The following B4GALNT4 variants were observed in gnomAD, a reference collection of about 807,000 sequenced individuals.
The protein encoded by B4GALNT4 is beta-1,4-N-acetyl-galactosaminyltransferase 4.
B4GALNT4 carries 77 observed loss-of-function variants against 110.0 expected under a neutral mutation model. That is an observed-to-expected ratio of 0.70 (90% CI 0.58 to 0.85). B4GALNT4 has a LOEUF of 0.85. Ranked by LOEUF, B4GALNT4 falls within the 40% of genes least tolerant of loss-of-function variation. The probability of loss-of-function intolerance (pLI) is 0.00; values close to 1 mark genes in which losing one functional copy is unlikely to be tolerated. For synonymous variants in B4GALNT4, 785 were observed against 655.5 expected (o/e 1.20, Z -3.02); for missense variants, 1,575 against 1,506.0 (o/e 1.05, Z -0.76).
chr11:369,990 G>GGGGGGCGC, intron 1 of B4GALNT4, 36 bp downstream of exon 1: 1 of 195,602 alleles, frequency 5.1e-6, no homozygotes, highest in Admixed American at 1.1e-4. Context: ...GCGGGGGGCG[G>GGGGGGCGC]GGGCGGCGCG....
Position 380,911 on chromosome 11 carries a change from C to G in B4GALNT4, c.2956C>G (p.Arg986Gly). ...TGGAGGAATGAACACGGAGGAGTTC[C>G]GAGACCAGTGGGGGGGTGAAGACTG... ...RVGGMNTEEF[R>G]DQWGGEDWEL... The change falls in exon 19 of 20, where the codon CGA becomes GGA. Residue 986 changes from arginine (R) to glycine (G), a missense_variant. Physicochemically the swap from Arg to Gly is moderately radical, Grantham distance 125 (BLOSUM62 -2). Coordinates refer to ENST00000329962, the MANE Select transcript of B4GALNT4 (RefSeq NM_178537.5). 1 of 1,613,582 alleles carries G rather than the reference C, an allele frequency of 6.2e-7. No individual in the cohort carries two copies. The highest frequency in any genetic ancestry group is 8.5e-7 in the Non-Finnish European group (1 of 1,179,790).
At chr11:376,202 G>C in intron 12 of B4GALNT4, 28 bp downstream of exon 12, 1 of 1,592,082 alleles carries the variant, frequency 6.3e-7, no homozygotes, top group Non-Finnish European at 8.6e-7. Flanking sequence ...CTAATGCGGG[G>C]CGGGGTGGGC....
At chr11:378,975 A>C (rs1160969317) in intron 14 of B4GALNT4, among the ~76,000 whole-genome samples, 1 of 152,148 alleles carries the variant, frequency 6.6e-6, no homozygotes, top group Non-Finnish European at 1.5e-5. Context: ...CCTGAGGAGG[A>C]GTCTGCTACC....
intron 19 of B4GALNT4, 164 bp downstream of exon 19, chr11:381,115 C>T (rs1846867227): frequency 1.0e-6 from 1 of 985,134 alleles, no homozygotes; most frequent in East Asian, 1.1e-4. Context: ...CTCCTCCACC[C>T]ACATCACTTC....
chr11:375,933 G>C lies in B4GALNT4; in HGVS notation c.1072G>C (p.Ala358Pro), dbSNP rs145647906. ...PTYVVKDFPI[A>P]RYQGLQFVYL... Reference sequence around the variant, plus strand: ...CTACGTGGTCAAGGACTTCCCGATCGCCAGATACCAGGGCCTGCAATTTGT... The same window carrying C: ...CTACGTGGTCAAGGACTTCCCGATCCCCAGATACCAGGGCCTGCAATTTGT... The change falls in exon 11 of 20, where the codon GCC (alanine) becomes CCC (proline). Residue 358 changes from alanine to proline, a missense_variant. By Grantham distance (27) the Ala-to-Pro change is conservative (BLOSUM62 -1). Coordinates refer to ENST00000329962, the MANE Select transcript of B4GALNT4 (RefSeq NM_178537.5). 8 of 1,611,798 alleles carry C rather than the reference G, an allele frequency of 5.0e-6. No homozygotes were observed. In the African/African-American group the frequency reaches 1.1e-4, roughly 22 times the overall value.
At chr11:372,342 G>T in intron 2 of B4GALNT4, 130 bp downstream of exon 2, 2 of 818,156 alleles carry the variant, frequency 2.4e-6, no homozygotes, top group Non-Finnish European at 4.0e-6. Flanking sequence ...GACATGTGGG[G>T]CACGGCACAG....
At chr11:377,453 C>A in intron 14 of B4GALNT4, 126 bp downstream of exon 14, 2 of 1,074,694 alleles carry the variant, frequency 1.9e-6, no homozygotes, top group Non-Finnish European at 2.5e-6. Flanking sequence ...GGCCTGGGGG[C>A]TGAGGCACCG....
chr11:370,996 C>T (rs1846609429), intron 1 of B4GALNT4, among the ~76,000 whole-genome samples: 1 of 152,176 alleles, frequency 6.6e-6, no homozygotes, highest in Admixed American at 6.5e-5. Context: ...AGCCCCACCC[C>T]AGCTATCAGC....
chr11:379,710 G>A lies in B4GALNT4; in HGVS notation c.2488+9G>A, dbSNP rs1455797212. The A allele has an allele frequency of 1.3e-6, 2 of 1,501,218 alleles. No individual in the cohort carries two copies. Among genetic ancestry groups the A allele is most frequent in the East Asian group, 2.3e-5 (1 of 43,006 alleles). 93.0% of individuals were successfully genotyped at this position (1,501,218 alleles called of 1,614,324 possible). A position where few individuals can be genotyped will look rare whatever the true frequency, so the allele number is the denominator to read the frequency against. ...TCACTTCATCGTGCCAGGTTCGCAG[G>A]GCGGGCTCGGGGTGTCCGGGAGACC... On this transcript the variant is annotated intron_variant, in intron 15 of 19. Transcript: ENST00000329962.
Position 375,759 on chromosome 11 carries a change from A to T in B4GALNT4, c.971A>T (p.Asp324Val). The T allele has an allele frequency of 1.9e-6, 3 of 1,597,464 alleles. No homozygotes were observed. The highest frequency in any genetic ancestry group is 2.6e-6 in the Non-Finnish European group (3 of 1,175,380). Reference protein sequence around the residue: ...SADMLRPDPRDTFFLTPRMES... With the variant: ...SADMLRPDPRVTFFLTPRMES... ...GACATGCTGCGGCCAGATCCCAGGG[A>T]TACCTTTTTCCTCAGTGAGAGGGGG... The change falls in exon 10 of 20, where the codon GAT (aspartate) becomes GTT (valine). Residue 324 changes from aspartate (D) to valine (V), a missense_variant. Coordinates refer to ENST00000329962, the MANE Select transcript of B4GALNT4 (RefSeq NM_178537.5).
chr11:369,635 G>T lies in B4GALNT4; in HGVS notation c.-169G>T, dbSNP rs1263822644. On this transcript the variant is annotated 5_prime_UTR_variant, in exon 1 of 20. Coordinates refer to ENST00000329962, the MANE Select transcript of B4GALNT4 (RefSeq NM_178537.5). ...CCGGGCCCGCGGCCGAGGGCGGCCT[G>T]GGGGGGTCGCGGCCGCACCCGGTGG... Among the ~76,000 whole-genome samples the T allele has an allele frequency of 6.9e-6, 1 of 144,290 alleles. No individual in the cohort carries two copies. Among genetic ancestry groups the T allele is most frequent in the Admixed American group, 6.8e-5 (1 of 14,602 alleles). 94.7% of individuals were successfully genotyped at this position (144,290 alleles called of 152,430 possible).
At chr11:373,411 C>T (rs747791121) in intron 6 of B4GALNT4, 38 bp from the exon 7 acceptor site, 9 of 1,033,984 alleles carry the variant, frequency 8.7e-6, no homozygotes, top group Admixed American at 5.7e-5. Flanking sequence ...AGAGTGAACC[C>T]CCCCCCCCAC....
At chr11:375,978 G>A in intron 11 of B4GALNT4, 22 bp downstream of exon 11, 7 of 1,608,576 alleles carry the variant, frequency 4.4e-6, no homozygotes, top group Admixed American at 1.7e-5. Flanking sequence ...TGGAGACCCC[G>A]TCTCCCGTCC....
rs536120452 is a variant in B4GALNT4 at position 380,727 on chromosome 11, G to A, written c.2870-98G>A. Reference sequence around the variant, plus strand: ...GGAAGCCCCCGTGGTGATGGGACCCGGCACCTGACCCCTCCCGAGGTCTCC... The same window carrying A: ...GGAAGCCCCCGTGGTGATGGGACCCAGCACCTGACCCCTCCCGAGGTCTCC... On this transcript the variant is annotated intron_variant, in intron 18 of 19. Transcript: ENST00000329962. The A allele has an allele frequency of 2.4e-5, 38 of 1,591,346 alleles. No homozygotes were observed. The East Asian group carries it at 4.0e-4, about 17-fold the overall frequency.
Position 373,459 on chromosome 11 carries a change from A to G in B4GALNT4, c.647A>G (p.Glu216Gly). The part of the protein sequence containing the change: ...LVAFVGKTGS[E>G]WTAPGEFTKF... ...TCTATCACCCCCCAGACTGGCTCCG[A>G]GTGGACAGCGCCTGGAGAATTCACC... Residue 216 changes from glutamate to glycine, a missense_variant, in exon 7 of 20, where the codon GAG becomes GGG. Physicochemically the swap from Glu to Gly is moderately conservative, Grantham distance 98 (BLOSUM62 -2). Coordinates refer to ENST00000329962, the MANE Select transcript of B4GALNT4 (RefSeq NM_178537.5). 6.6e-7 allele frequency: 1 copy of G among 1,508,084 alleles called. No homozygotes were observed. Among genetic ancestry groups the G allele is most frequent in the Non-Finnish European group, 8.9e-7 (1 of 1,121,994 alleles). The allele number at this position is 1,508,084 out of a possible 1,614,324, so 93.4% of individuals were successfully genotyped here.
At chr11:370,118 G>GT (rs1297274083) in intron 1 of B4GALNT4, among the ~76,000 whole-genome samples, 164 bp downstream of exon 1, 2 of 150,420 alleles carry the variant, frequency 1.3e-5, no homozygotes, top group African/African-American at 4.9e-5. Context: ...GACCCTCCCG[G>GT]AGACCCCGCC....
In B4GALNT4 at chr11:381,855, G is replaced by T; in HGVS notation, c.*63G>T. 6.7e-7 allele frequency: 1 copy of T among 1,482,374 alleles called. No homozygotes were observed. The highest frequency in any genetic ancestry group is 1.3e-5 in the South Asian group (1 of 76,784). The allele number at this position is 1,482,374 out of a possible 1,614,324, so 91.8% of individuals were successfully genotyped here. A position where few individuals can be genotyped will look rare whatever the true frequency, so the allele number is the denominator to read the frequency against. Reference sequence around the variant, plus strand: ...AGGCAGCTGCTGGGGGCTGGGCTTTGAGCTCGGTCCCGAGAGACCCGGCAG... The same window carrying T: ...AGGCAGCTGCTGGGGGCTGGGCTTTTAGCTCGGTCCCGAGAGACCCGGCAG... On this transcript the variant is annotated 3_prime_UTR_variant, in exon 20 of 20. Coordinates refer to ENST00000329962, the MANE Select transcript of B4GALNT4 (RefSeq NM_178537.5).
In B4GALNT4 at chr11:375,662, C is replaced by A; in HGVS notation, c.874C>A (p.His292Asn). Reference sequence around the variant, plus strand: ...AGATGAGTCAGCCTTGAAGATGGACCACGTGGCGCACGTCCCCCAGTCTCC... The same window carrying A: ...AGATGAGTCAGCCTTGAAGATGGACAACGTGGCGCACGTCCCCCAGTCTCC... The part of the protein sequence containing the change: ...YTDESALKMD[H>N]VAHVPQSPAS... The change falls in exon 10 of 20, where the codon CAC (histidine) becomes AAC (asparagine). Residue 292 changes from histidine (H) to asparagine (N), a missense_variant. Physicochemically the swap from His to Asn is moderately conservative, Grantham distance 68. Coordinates refer to ENST00000329962, the MANE Select transcript of B4GALNT4 (RefSeq NM_178537.5). 6.3e-7 allele frequency: 1 copy of A among 1,590,456 alleles called. No homozygotes were observed. Among genetic ancestry groups the A allele is most frequent in the Non-Finnish European group, 8.5e-7 (1 of 1,172,892 alleles).
chr11:376,753 C>G lies in B4GALNT4; in HGVS notation c.1630C>G (p.Arg544Gly), dbSNP rs1846764859. 4 of 1,391,024 alleles carry G rather than the reference C, an allele frequency of 2.9e-6. No homozygotes were observed. Among genetic ancestry groups the G allele is most frequent in the Non-Finnish European group, 3.7e-6 (4 of 1,076,864 alleles). 86.2% of individuals were successfully genotyped at this position (1,391,024 alleles called of 1,614,324 possible). A position where few individuals can be genotyped will look rare whatever the true frequency, so the allele number is the denominator to read the frequency against. The change falls in exon 14 of 20, where the codon CGT (arginine) becomes GGT (glycine). Residue 544 changes from arginine (R) to glycine (G), a missense_variant. Arg to Gly is a moderately radical substitution (Grantham distance 125, BLOSUM62 -2). Coordinates refer to ENST00000329962, the MANE Select transcript of B4GALNT4 (RefSeq NM_178537.5). Reference protein sequence around the residue: ...QRASPRAPAPRAPWPPFPGVF... With the variant: ...QRASPRAPAPGAPWPPFPGVF... ...GGCATCCCCCCGGGCCCCAGCGCCG[C>G]GTGCGCCCTGGCCGCCCTTCCCTGG...
Sources: gnomAD v4.1 joint callset for allele counts (sites outside exome capture counted in the v4.1 genomes callset) on GRCh38, gnomAD v4.1.1 for gene constraint, MANE v1.5 for transcripts, NCBI Gene and HGNC (gene_info 2026-07-23, HGNC 2026-07-21) for gene names.